DDX60L: variants seen among roughly 807,000 people sequenced by gnomAD.
The protein encoded by DDX60L is probable ATP-dependent RNA helicase DDX60-like.
DDX60L carries 191 observed loss-of-function variants against 211.6 expected under a neutral mutation model. That is an observed-to-expected ratio of 0.90 (90% CI 0.80 to 1.02). The LOEUF (loss-of-function observed/expected upper bound fraction) is 1.02. DDX60L is among the 50% of genes least tolerant of loss of function. The pLI is 0.00. For synonymous variants in DDX60L, 706 were observed against 694.1 expected (o/e 1.02, Z -0.27); for missense variants, 2,007 against 1,984.1 (o/e 1.01, Z -0.22).
intron 1 of DDX60L, among the ~76,000 whole-genome samples, chr4:168,479,106 TGGTTG>T (rs1259792022): frequency 6.7e-6 from 1 of 149,054 alleles, no homozygotes; most frequent in East Asian, 2.0e-4. Context: ...GATGGACGGA[TGGTTG>T]GATGGCTGGA....
At chr4:168,425,731 T>C (rs1014950542) in intron 14 of DDX60L, among the ~76,000 whole-genome samples, 1 of 151,952 alleles carries the variant, frequency 6.6e-6, no homozygotes, top group African/African-American at 2.4e-5. Flanking sequence ...ATCACTCTAC[T>C]GCACTCCAGC....
intron 26 of DDX60L, among the ~76,000 whole-genome samples, chr4:168,400,558 T>C (rs554598416): frequency 1.3e-4 from 20 of 152,196 alleles, no homozygotes; most frequent in African/African-American, 4.6e-4. Flanking sequence ...TATGGTTAAG[T>C]AGGCTGAGGG....
intron 36 of DDX60L, among the ~76,000 whole-genome samples, chr4:168,364,768 A>ATGTTTGAT (rs2149602370): frequency 6.6e-6 from 1 of 152,354 alleles, no homozygotes; most frequent in East Asian, 1.9e-4. Flanking sequence ...GATAGATCAT[A>ATGTTTGAT]TGTTTGATCA....
In DDX60L at chr4:168,477,082, C is replaced by T. The variant is rs190339007; in HGVS notation, c.-111+3295G>A. On this transcript the variant is annotated intron_variant, in intron 1 of 37. Coordinates refer to ENST00000682922, the MANE Select transcript of DDX60L (RefSeq NM_001012967.3). ...GAAATTTGTAAGTTGTAATTGCTACCGAAGTTAGCATTCCCTTACTGCTAC... is the reference window on the plus strand; with the variant it reads ...GAAATTTGTAAGTTGTAATTGCTACTGAAGTTAGCATTCCCTTACTGCTAC... Among the ~76,000 whole-genome samples, 335 of 152,148 alleles carry T rather than the reference C, an allele frequency of 2.2e-3. 1 individual carries two copies. Among genetic ancestry groups the T allele is most frequent in the African/African-American group, 7.6e-3 (317 of 41,506 alleles).
chr4:168,381,004 T>G (rs1742847977), intron 30 of DDX60L, among the ~76,000 whole-genome samples: 1 of 152,156 alleles, frequency 6.6e-6, no homozygotes, highest in African/African-American at 2.4e-5. Flanking sequence ...TGATTTAGGG[T>G]ATGTGGCAGA....
At chr4:168,411,816 G>C (rs138691882) in intron 22 of DDX60L, among the ~76,000 whole-genome samples, 2 of 152,108 alleles carry the variant, frequency 1.3e-5, no homozygotes, top group East Asian at 1.9e-4. Context: ...AGTGCAGCTC[G>C]CAGCTCTGAG....
intron 10 of DDX60L, among the ~76,000 whole-genome samples, chr4:168,437,315 A>T (rs1273119487): frequency 6.6e-6 from 1 of 152,214 alleles, no homozygotes; most frequent in East Asian, 1.9e-4. Context: ...TTGAACACAG[A>T]CCCAGAGGAA....
chr4:168,445,494 A>T (rs1435075238), intron 9 of DDX60L, among the ~76,000 whole-genome samples: 1 of 152,192 alleles, frequency 6.6e-6, no homozygotes, highest in African/African-American at 2.4e-5. Flanking sequence ...ATTCCAATCA[A>T]TAGAAAAAGA....
At chr4:168,443,655 C>T (rs1754294773) in intron 9 of DDX60L, among the ~76,000 whole-genome samples, 2 of 151,274 alleles carry the variant, frequency 1.3e-5, no homozygotes, top group African/African-American at 4.9e-5. Context: ...CAAAGGGAAG[C>T]CCATCAGACT....
chr4:168,361,379 A>G, intron 36 of DDX60L, 168 bp from the exon 37 acceptor site: 1 of 501,770 alleles, frequency 2.0e-6, no homozygotes, highest in Non-Finnish European at 3.6e-6. Flanking sequence ...GGCATAGGTA[A>G]AAACCACAAA....
intron 26 of DDX60L, among the ~76,000 whole-genome samples, chr4:168,397,550 C>A (rs777617476): frequency 2.0e-5 from 3 of 152,172 alleles, no homozygotes; most frequent in Non-Finnish European, 4.4e-5. Context: ...GATTTATGAG[C>A]TAACAGGAAG....
At chr4:168,404,450 T>C (rs977035207) in intron 24 of DDX60L, among the ~76,000 whole-genome samples, 3 of 152,036 alleles carry the variant, frequency 2.0e-5, no homozygotes, top group Admixed American at 6.5e-5. Flanking sequence ...TATAACAAAA[T>C]AGCTGCCAAA....
chr4:168,475,468 GTGTT>G (rs1396655739), intron 1 of DDX60L, among the ~76,000 whole-genome samples: 1 of 152,062 alleles, frequency 6.6e-6, no homozygotes, highest in Admixed American at 6.5e-5. Context: ...CAGTTATGTT[GTGTT>G]TGTTTTTCAA....
Position 168,403,981 on chromosome 4 carries a change from CA to C in DDX60L, c.3338del (p.Leu1113CysfsTer38), listed in dbSNP as rs757771764. ...QMDKLPAIFF[L>X]FKNDDVGKRA... is the part of the protein sequence containing the mutation. ...AGATAAATTAAGTTTCAGTTACTTA[CA>C]AAAAAAATATTGCAGGCAACTTATC... On this transcript the variant is annotated frameshift_variant and splice_region_variant, in exon 25 of 38. Coordinates refer to ENST00000682922, the MANE Select transcript of DDX60L (RefSeq NM_001012967.3). LOFTEE classifies it high-confidence loss of function. The C allele has an allele frequency of 5.8e-4, 838 of 1,435,634 alleles. No individual in the cohort carries two copies. The highest frequency in any genetic ancestry group is 1.7e-3 in the South Asian group (113 of 66,168). The allele number at this position is 1,435,634 out of a possible 1,614,324, so 88.9% of individuals were successfully genotyped here.
At chr4:168,407,842 A>G (rs887780713) in intron 22 of DDX60L, among the ~76,000 whole-genome samples, 2 of 152,206 alleles carry the variant, frequency 1.3e-5, no homozygotes, top group African/African-American at 4.8e-5. Flanking sequence ...TCTTGTCTAT[A>G]ATATGAGAAT....
intron 32 of DDX60L, among the ~76,000 whole-genome samples, chr4:168,378,739 T>A (rs1425027791): frequency 6.6e-6 from 1 of 152,164 alleles, no homozygotes; most frequent in East Asian, 1.9e-4. Context: ...ACTAACTGGT[T>A]TCCTGACTTG....
At chr4:168,457,295 C>CAT (rs761951093) in intron 6 of DDX60L, among the ~76,000 whole-genome samples, 200 of 148,240 alleles carry the variant, frequency 1.3e-3, no homozygotes, top group Non-Finnish European at 2.2e-3. Context: ...CACACACATA[C>CAT]ACACACACAC....
intron 6 of DDX60L, among the ~76,000 whole-genome samples, chr4:168,457,611 T>C (rs1160471402): frequency 1.3e-5 from 2 of 152,218 alleles, no homozygotes; most frequent in Non-Finnish European, 2.9e-5. Flanking sequence ...ATTTGAATAC[T>C]GGAAAATAAA....
chr4:168,478,411 A>G (rs186767768), intron 1 of DDX60L, among the ~76,000 whole-genome samples: 77 of 152,350 alleles, frequency 5.1e-4, no homozygotes, highest in Non-Finnish European at 1.6e-4. Flanking sequence ...GGAACTAACT[A>G]GAGCATAAGA....
Sources: allele counts gnomAD v4.1 joint callset (sites outside exome capture counted in the v4.1 genomes callset), GRCh38; gene constraint gnomAD v4.1.1; transcripts MANE v1.5; gene names NCBI Gene and HGNC (gene_info 2026-07-23, HGNC 2026-07-21).